TRERF1: variants seen among roughly 807,000 people sequenced by gnomAD.
The protein encoded by TRERF1 is transcriptional regulating factor 1.
A neutral mutation model predicts 122.9 loss-of-function variants in TRERF1; 27 were observed. The ratio of observed to expected loss-of-function variants is 0.22; its 90% CI spans 0.16 to 0.30. TRERF1 has a LOEUF of 0.30. TRERF1 is among the 10% of genes least tolerant of loss of function. The probability of loss-of-function intolerance (pLI) is 1.00; values close to 1 mark genes in which losing one functional copy is unlikely to be tolerated. For synonymous variants in TRERF1, 636 were observed against 641.7 expected (o/e 0.99, Z 0.13); for missense variants, 1,248 against 1,560.3 (o/e 0.80, Z 3.37).
chr6:42,268,666 G>A lies in TRERF1; in HGVS notation c.925C>T (p.Pro309Ser), dbSNP rs1349233916. 1.2e-6 allele frequency: 2 copies of A among 1,613,974 alleles called. No individual in the cohort carries two copies. The highest frequency in any genetic ancestry group is 4.5e-5 in the East Asian group (2 of 44,888). Residue 309 changes from proline to serine, a missense_variant, in exon 5 of 18, where the codon CCG (proline) becomes TCG (serine). Physicochemically the swap from Pro to Ser is moderately conservative, Grantham distance 74. Around this residue, in one of 5 missense-constraint regions of TRERF1, gnomAD observed 946 missense variants for 1,073.0 expected, o/e 0.88. Transcript: ENST00000372922. The surrounding 1 kb of genome is among the most constrained non-coding windows in gnomAD (Gnocchi z 4.4). ...CGCTGCTGCAGCTGTAGCTGCTGCG[G>A]CTGCTGCTGCTGTGGCGGCGGCTGT...
At chr6:42,262,465 A>G (rs867413450) in intron 8 of TRERF1, among the ~76,000 whole-genome samples, 30 of 37,584 alleles carry the variant, frequency 8.0e-4, no homozygotes, top group African/African-American at 1.0e-3. Flanking sequence ...AGAGAGAGAG[A>G]GGAGAGAGAG....
chr6:42,447,893 G>A (rs1317372251), intron 2 of TRERF1, among the ~76,000 whole-genome samples: 3 of 151,860 alleles, frequency 2.0e-5, no homozygotes, highest in Non-Finnish European at 2.9e-5. Flanking sequence ...TTGTAGAGAC[G>A]GGGTTTCACC....
chr6:42,347,576 A>G (rs945877536), intron 3 of TRERF1, among the ~76,000 whole-genome samples: 1 of 152,232 alleles, frequency 6.6e-6, no homozygotes, highest in African/African-American at 2.4e-5. Context: ...AATGCTGGTC[A>G]TGTCGGAGAC....
chr6:42,328,856 G>A (rs1764756871), intron 3 of TRERF1, among the ~76,000 whole-genome samples: 1 of 152,070 alleles, frequency 6.6e-6, no homozygotes, highest in African/African-American at 2.4e-5. Flanking sequence ...ATCCTGGAAG[G>A]CCCCCAGCTC....
chr6:42,410,124 G>A (rs1009042287), intron 2 of TRERF1, among the ~76,000 whole-genome samples: 8 of 151,960 alleles, frequency 5.3e-5, no homozygotes, highest in African/African-American at 1.9e-4. Context: ...TTCCTGAGAC[G>A]AGCCTTGCTT....
At chr6:42,352,445 A>G (rs879457604) in intron 3 of TRERF1, among the ~76,000 whole-genome samples, 15 of 152,222 alleles carry the variant, frequency 9.9e-5, no homozygotes, top group Non-Finnish European at 1.8e-4. Flanking sequence ...ATTTGATTTG[A>G]CCACAAACAT....
chr6:42,281,461 T>A (rs1782290839), intron 4 of TRERF1, among the ~76,000 whole-genome samples: 1 of 152,206 alleles, frequency 6.6e-6, no homozygotes, highest in Non-Finnish European at 1.5e-5. Flanking sequence ...CTCTGTTTTT[T>A]AAAATCTCTC....
chr6:42,320,947 C>T (rs1763336661), intron 3 of TRERF1, among the ~76,000 whole-genome samples: 2 of 152,100 alleles, frequency 1.3e-5, no homozygotes, highest in South Asian at 4.1e-4. Flanking sequence ...GCACAGGAAG[C>T]CTGAGCTCCA....
chr6:42,444,377 C>A (rs560590454), intron 2 of TRERF1, among the ~76,000 whole-genome samples: 2 of 152,144 alleles, frequency 1.3e-5, no homozygotes, highest in Admixed American at 6.5e-5. Context: ...TTCCTCTGTG[C>A]CGCTCAGTAA....
chr6:42,301,903 A>G (rs999598269), intron 3 of TRERF1, among the ~76,000 whole-genome samples: 10 of 152,250 alleles, frequency 6.6e-5, no homozygotes, highest in African/African-American at 2.4e-4. Flanking sequence ...TCTGGACTAT[A>G]AAAAGTTAGT....
At chr6:42,288,953 CTG>C (rs3074800) in intron 4 of TRERF1, among the ~76,000 whole-genome samples, 10,439 of 144,250 alleles carry the variant, frequency 0.072, 800 homozygotes, top group African/African-American at 0.2. Flanking sequence ...ATCTTGAACT[CTG>C]TGTGTGTGTG....
At chr6:42,425,217 T>G (rs998200146) in intron 2 of TRERF1, among the ~76,000 whole-genome samples, 4 of 152,172 alleles carry the variant, frequency 2.6e-5, no homozygotes, top group Non-Finnish European at 5.9e-5. Context: ...AAACAACTGC[T>G]CTTGTGAATT....
At chr6:42,373,145 C>T (rs1226663546) in intron 2 of TRERF1, among the ~76,000 whole-genome samples, 1 of 152,234 alleles carries the variant, frequency 6.6e-6, no homozygotes, top group African/African-American at 2.4e-5. Context: ...AGTGGCCATC[C>T]TGCTGGTGTG....
intron 2 of TRERF1, among the ~76,000 whole-genome samples, chr6:42,382,197 A>G (rs1311034659): frequency 1.3e-5 from 2 of 151,216 alleles, no homozygotes; most frequent in Admixed American, 6.6e-5. Context: ...TTGGACATGG[A>G]AGGCCACCCA....
intron 2 of TRERF1, 32 bp downstream of exon 2, chr6:42,451,145 T>A (rs926333703): frequency 6.6e-6 from 1 of 152,098 alleles, no homozygotes; most frequent in African/African-American, 2.4e-5. Flanking sequence ...ACTAATTTTT[T>A]AAAAATGAAA....
chr6:42,272,910 C>T (rs923291492), intron 4 of TRERF1, among the ~76,000 whole-genome samples: 9 of 152,310 alleles, frequency 5.9e-5, no homozygotes, highest in African/African-American at 1.2e-4. Context: ...TACGTCACCA[C>T]GTCCATATTC....
intron 2 of TRERF1, among the ~76,000 whole-genome samples, chr6:42,405,801 A>T (rs952925527): frequency 6.6e-5 from 10 of 150,872 alleles, no homozygotes; most frequent in African/African-American, 2.2e-4. Flanking sequence ...TCTCAAAAAA[A>T]AAAAAATTAA....
intron 2 of TRERF1, among the ~76,000 whole-genome samples, chr6:42,421,773 A>AAATT (rs199561349): frequency 0.017 from 2,637 of 151,962 alleles, 46 homozygotes; most frequent in East Asian, 0.088. Flanking sequence ...TGCTGTCTCA[A>AAATT]AATTAATTAA....
chr6:42,233,450 T>C (rs1482838991), intron 16 of TRERF1, among the ~76,000 whole-genome samples: 2 of 151,380 alleles, frequency 1.3e-5, no homozygotes, highest in Non-Finnish European at 2.9e-5. Context: ...CACGCCTGGC[T>C]AATTTTTTGT....
Sources: allele counts gnomAD v4.1 joint callset (sites outside exome capture counted in the v4.1 genomes callset), GRCh38; gene constraint gnomAD v4.1.1; regional missense constraint gnomAD v4.1.1; non-coding constraint Gnocchi (gnomAD v3.1); transcripts MANE v1.5; gene names NCBI Gene and HGNC (gene_info 2026-07-23, HGNC 2026-07-21).